GRM4: variants seen among roughly 807,000 people sequenced by gnomAD.
GRM4 encodes glutamate metabotropic receptor 4.
GRM4 carries 28 observed loss-of-function variants against 81.7 expected under a neutral mutation model. The observed-to-expected ratio is 0.34, with a 90% CI of 0.25 to 0.47. The LOEUF (loss-of-function observed/expected upper bound fraction) is 0.47. GRM4 is among the 20% of genes least tolerant of loss of function. The pLI is 1.00. For missense variants in GRM4, 948 were observed against 1,290.0 expected (o/e 0.73, Z 4.06); for synonymous variants, 488 against 528.8 (o/e 0.92, Z 1.06).
intron 2 of GRM4, among the ~76,000 whole-genome samples, chr6:34,098,505 C>T (rs1340745153): frequency 2.0e-5 from 3 of 152,216 alleles, no homozygotes; most frequent in African/African-American, 7.2e-5. Context: ...CAGCCTAGGC[C>T]CAGCCAGGAC....
rs1434456309 is a variant in GRM4, at chr6:34,021,388, A to T, written c.*1433T>A. 6.6e-6 allele frequency: 1 copy of T among 151,920 alleles called. No homozygotes were observed. The highest frequency in any genetic ancestry group is 1.5e-5 in the Non-Finnish European group (1 of 68,008). The allele number at this position is 151,920 out of a possible 1,614,324, so 9.4% of individuals were successfully genotyped here. A position where few individuals can be genotyped will look rare whatever the true frequency, so the allele number is the denominator to read the frequency against. On this transcript the variant is annotated 3_prime_UTR_variant, in exon 11 of 11. Coordinates refer to ENST00000538487, the MANE Select transcript of GRM4 (RefSeq NM_000841.4). The surrounding 1 kb of genome is among the most constrained non-coding windows in gnomAD (Gnocchi z 5.3). ...TTCTTAGCACCCGAGCCTGGAGCCA[A>T]CACAAGCAGGAGGGGACGGCTATGA...
chr6:34,050,340 G>T (rs1765554667), intron 6 of GRM4, among the ~76,000 whole-genome samples: 1 of 152,238 alleles, frequency 6.6e-6, no homozygotes, highest in South Asian at 2.1e-4. Flanking sequence ...CAGTGTTGAA[G>T]GTGGGGCCTG....
rs755600343 is a variant in GRM4, at chr6:34,130,611, G to A, written c.519+2367C>T. On this transcript the variant is annotated intron_variant, in intron 2 of 10. Transcript: ENST00000538487. This position sits in a 1 kb window ranked among gnomAD's most constrained non-coding sequence, Gnocchi z 4.1. ...CACTCCCCTGTCTGGGGCACTGAGC[G>A]TCTCATCTCAAAATATCTATGTTCC... 7.2e-5 allele frequency among the ~76,000 whole-genome samples: 11 copies of A among 152,204 alleles called. No individual in the cohort carries two copies. The East Asian group carries it at 1.2e-3, about 16-fold the overall frequency.
rs1314390109 is a variant in GRM4 at position 34,034,324 on chromosome 6, G to A, written c.2442+1344C>T. Among the ~76,000 whole-genome samples, 3 of 152,070 alleles carry A rather than the reference G, an allele frequency of 2.0e-5. No individual in the cohort carries two copies. The highest frequency in any genetic ancestry group is 4.4e-5 in the Non-Finnish European group (3 of 67,968). On this transcript the variant is annotated intron_variant, in intron 9 of 10. Coordinates refer to ENST00000538487, the MANE Select transcript of GRM4 (RefSeq NM_000841.4). The surrounding 1 kb of genome is among the most constrained non-coding windows in gnomAD (Gnocchi z 4.0). The stretch of plus-strand genomic sequence containing the variant: ...TCCTCCTTGACTCGACTGTCTCCTC[G>A]TCTCCCACCCAACGTGCCATCCATT...
rs949285120 is a variant in GRM4, at chr6:34,074,493, A to G, written c.737-12465T>C. On this transcript the variant is annotated intron_variant, in intron 3 of 10. Transcript: ENST00000538487. The surrounding 1 kb of genome is among the most constrained non-coding windows in gnomAD (Gnocchi z 4.9). ...GCCCCCTACCAGGAGGCTGCTGGGC[A>G]GCGCAGGCAGTGTGGCTCAGAGCTG... 3.6e-5 allele frequency among the ~76,000 whole-genome samples: 5 copies of G among 140,086 alleles called. No homozygotes were observed. The highest frequency in any genetic ancestry group is 1.5e-4 in the African/African-American group (5 of 33,720). The allele number at this position is 140,086 out of a possible 152,430, so 91.9% of individuals were successfully genotyped here.
At chr6:34,053,721 C>G (rs893773385) in intron 6 of GRM4, among the ~76,000 whole-genome samples, 2 of 152,210 alleles carry the variant, frequency 1.3e-5, no homozygotes, top group Non-Finnish European at 2.9e-5. Flanking sequence ...CCACCTGGGG[C>G]ACTTCAAAAA....
chr6:34,117,681 C>T (rs1391320179), intron 2 of GRM4, among the ~76,000 whole-genome samples: 2 of 152,186 alleles, frequency 1.3e-5, no homozygotes, highest in Non-Finnish European at 2.9e-5. Flanking sequence ...GCCTCCTACA[C>T]TCCACCTGCC....
At chr6:34,116,762 A>C (rs1164321245) in intron 2 of GRM4, among the ~76,000 whole-genome samples, 1 of 152,230 alleles carries the variant, frequency 6.6e-6, no homozygotes, top group Non-Finnish European at 1.5e-5. Context: ...ATTCAGCCCA[A>C]ATGTCCAGTG....
chr6:34,020,502 C>T lies in GRM4; in HGVS notation c.*2319G>A, dbSNP rs1015805524. On this transcript the variant is annotated 3_prime_UTR_variant, in exon 11 of 11. Transcript: ENST00000538487. ...ACCCTGGGGGAGAGCTGGCTGCACC[C>T]GCTTCTGCATTCCCCATCCCTACCC... 2.6e-5 allele frequency: 4 copies of T among 152,254 alleles called. No individual in the cohort carries two copies. Among genetic ancestry groups the T allele is most frequent in the Admixed American group, 6.5e-5 (1 of 15,304 alleles). 9.4% of individuals were successfully genotyped at this position (152,254 alleles called of 1,614,324 possible). A position where few individuals can be genotyped will look rare whatever the true frequency, so the allele number is the denominator to read the frequency against.
At chr6:34,110,633 C>A (rs916623739) in intron 2 of GRM4, 4 of 1,075,392 alleles carry the variant, frequency 3.7e-6, no homozygotes, top group Non-Finnish European at 5.5e-6. Flanking sequence ...CTCCCTACCC[C>A]CTTACCATAC....
Position 34,022,295 on chromosome 6 carries a change from C to T in GRM4, c.*526G>A, listed in dbSNP as rs530725262. The T allele has an allele frequency of 4.2e-4, 67 of 158,644 alleles. No homozygotes were observed. Among genetic ancestry groups the T allele is most frequent in the African/African-American group, 1.5e-3 (61 of 41,606 alleles). 9.8% of individuals were successfully genotyped at this position (158,644 alleles called of 1,614,324 possible). On this transcript the variant is annotated 3_prime_UTR_variant, in exon 11 of 11. Coordinates refer to ENST00000538487, the MANE Select transcript of GRM4 (RefSeq NM_000841.4). The surrounding 1 kb of genome is among the most constrained non-coding windows in gnomAD (Gnocchi z 5.6). Reference sequence around the variant, plus strand: ...GAAAGAAAACGGCAGAAAAGTGACACTGGTGGGACCCAAGAAAGCAGGAGG... The same window carrying T: ...GAAAGAAAACGGCAGAAAAGTGACATTGGTGGGACCCAAGAAAGCAGGAGG...
upstream of GRM4, among the ~76,000 whole-genome samples, chr6:34,148,757 T>A: frequency 6.6e-6 from 1 of 152,198 alleles, no homozygotes; most frequent in East Asian, 1.9e-4. Context: ...GCATTGGTTT[T>A]CCCATCAGTG....
chr6:34,044,900 A>C (rs889896157), intron 6 of GRM4, among the ~76,000 whole-genome samples: 4 of 151,730 alleles, frequency 2.6e-5, no homozygotes, highest in African/African-American at 9.7e-5. Flanking sequence ...ACACATACAC[A>C]CACAGACATA....
At chr6:34,116,405 A>G (rs1466640980) in intron 2 of GRM4, among the ~76,000 whole-genome samples, 1 of 152,162 alleles carries the variant, frequency 6.6e-6, no homozygotes, top group Non-Finnish European at 1.5e-5. Context: ...AGCACCTACT[A>G]TGTTCCAGGC....
intron 3 of GRM4, chr6:34,091,634 T>G (rs1581684263): frequency 1.3e-5 from 7 of 530,188 alleles, no homozygotes; most frequent in Admixed American, 3.3e-5. Flanking sequence ...ACCAGGGAGG[T>G]CAACAGTCCC....
Position 34,021,921 on chromosome 6 carries a change from G to A in GRM4, c.*900C>T, listed in dbSNP as rs144485403. On this transcript the variant is annotated 3_prime_UTR_variant, in exon 11 of 11. Transcript: ENST00000538487. This position sits in a 1 kb window ranked among gnomAD's most constrained non-coding sequence, Gnocchi z 5.3. Reference sequence around the variant, plus strand: ...AAACAATCATGCGCTACACATTGTCGTCAATAACCATCACCAAACACCCAG... The same window carrying A: ...AAACAATCATGCGCTACACATTGTCATCAATAACCATCACCAAACACCCAG... The A allele has an allele frequency of 1.1e-3, 173 of 153,214 alleles. 2 individuals carry two copies. The East Asian group carries it at 0.024, about 21-fold the overall frequency. The allele number at this position is 153,214 out of a possible 1,614,324, so 9.5% of individuals were successfully genotyped here. A position where few individuals can be genotyped will look rare whatever the true frequency, so the allele number is the denominator to read the frequency against.
At position 34,028,196 on chromosome 6, in the gene GRM4, G is replaced by C; in HGVS notation, c.2613C>G (p.Asn871Lys). 1 of 1,614,088 alleles carries C rather than the reference G, an allele frequency of 6.2e-7. No homozygotes were observed. Among genetic ancestry groups the C allele is most frequent in the East Asian group, 2.2e-5 (1 of 44,884 alleles). ...KAVVTAATMSNKFTQKGNFRP... is the reference protein window; with the variant it reads ...KAVVTAATMSKKFTQKGNFRP... The stretch of plus-strand genomic sequence containing the variant: ...GGAAGTTGCCCTTCTGCGTGAACTT[G>C]TTGGACATGGTGGCCGCCGTAACGA... Residue 871 changes from asparagine to lysine, a missense_variant, in exon 10 of 11, where the codon AAC (asparagine) becomes AAG (lysine). Coordinates refer to ENST00000538487, the MANE Select transcript of GRM4 (RefSeq NM_000841.4).
chr6:34,044,487 T>C (rs1417106594), intron 6 of GRM4, among the ~76,000 whole-genome samples: 2 of 145,184 alleles, frequency 1.4e-5, no homozygotes, highest in African/African-American at 5.2e-5. Flanking sequence ...CATACACATA[T>C]ACATAGACAT....
At chr6:34,141,269 C>T (rs537821717) in intron 1 of GRM4, among the ~76,000 whole-genome samples, 2 of 152,264 alleles carry the variant, frequency 1.3e-5, no homozygotes, top group East Asian at 3.9e-4. Flanking sequence ...TCCTGGGACT[C>T]ACCATCATCA....
Sources: allele counts gnomAD v4.1 joint callset (sites outside exome capture counted in the v4.1 genomes callset), GRCh38; gene constraint gnomAD v4.1.1; non-coding constraint Gnocchi (gnomAD v3.1); transcripts MANE v1.5; gene names NCBI Gene and HGNC (gene_info 2026-07-23, HGNC 2026-07-21).